The following CCDC181 variants were observed in gnomAD, a reference collection of about 807,000 sequenced individuals.
CCDC181 encodes the protein coiled-coil domain containing 181, also known as coiled-coil domain-containing protein 181.
Under a neutral mutation model 58.7 loss-of-function variants are expected in CCDC181, and 35 were observed. The observed-to-expected ratio is 0.60, with a 90% confidence interval of 0.46 to 0.79. CCDC181 has a LOEUF of 0.79. Among genes scored for constraint, CCDC181 ranks in the 30% least tolerant of loss-of-function variants. The pLI, the probability that CCDC181 is intolerant of heterozygous loss-of-function variation, is 0.00. For synonymous variants in CCDC181, 183 were observed against 197.5 expected (o/e 0.93, Z 0.62); for missense variants, 517 against 583.9 (o/e 0.89, Z 1.18).
chr1:169,418,179 C>T (rs72704012), intron 4 of CCDC181, among the ~76,000 whole-genome samples: 8,031 of 152,250 alleles, frequency 0.053, 262 homozygotes, highest in Middle Eastern at 0.11. Flanking sequence ...CTACAGATTA[C>T]TGATGTTCCC....
chr1:169,410,304 C>A (rs1655894995), intron 4 of CCDC181, among the ~76,000 whole-genome samples: 2 of 151,626 alleles, frequency 1.3e-5, no homozygotes, highest in African/African-American at 4.8e-5. Context: ...AAGGGCATTA[C>A]ATAATCGTAA....
chr1:169,443,825 C>T (rs755383899), intron 2 of CCDC181, among the ~76,000 whole-genome samples: 1 of 152,152 alleles, frequency 6.6e-6, no homozygotes, highest in Non-Finnish European at 1.5e-5. Context: ...AACTGACTCA[C>T]ATACACAAGG....
chr1:169,412,593 CTGG>C (rs1656029548), intron 4 of CCDC181, among the ~76,000 whole-genome samples: 1 of 152,142 alleles, frequency 6.6e-6, no homozygotes, highest in Non-Finnish European at 1.5e-5. Flanking sequence ...AAGAACAAAG[CTGG>C]AGGCATCATG....
chr1:169,415,182 T>A (rs930941397), intron 4 of CCDC181, among the ~76,000 whole-genome samples: 2 of 152,204 alleles, frequency 1.3e-5, no homozygotes, highest in Non-Finnish European at 2.9e-5. Flanking sequence ...ATACCCCATT[T>A]AAAAAATTAT....
In CCDC181 at chr1:169,421,867, T is replaced by G. The variant is rs747530546; in HGVS notation, c.564A>C (p.Gln188His). Residue 188 changes from glutamine to histidine, a missense_variant, in exon 3 of 6, where the codon CAA becomes CAC. Physicochemically the swap from Gln to His is conservative, Grantham distance 24 (BLOSUM62 0). Transcript: ENST00000367806. ...GTCCAAAATCATTGGAAATACATAA[T>G]TGTGACAGTTTCCCAAACATATTCC... ...NERNMFGKLS[Q>H]LCISNDFGQE... 6.2e-7 allele frequency: 1 copy of G among 1,613,880 alleles called. No individual in the cohort carries two copies. Among genetic ancestry groups the G allele is most frequent in the South Asian group, 1.1e-5 (1 of 91,068 alleles).
rs778310813 is a variant in CCDC181 at position 169,422,097 on chromosome 1, G to T, written c.334C>A (p.Gln112Lys). ...TCCTCTTCCTCCTCCAAGTCTTTCT[G>T]GCTTTCTAGTTTGGATTCCTGGAAA... is the stretch of plus-strand genomic sequence containing the variant. ...NSFQESKLESQKDLEEEEDEE... is the reference protein window; with the variant it reads ...NSFQESKLESKKDLEEEEDEE... The change falls in exon 3 of 6, where the codon CAG (glutamine) becomes AAG (lysine). Residue 112 changes from glutamine (Q) to lysine (K), a missense_variant. Gln to Lys is a moderately conservative substitution (Grantham distance 53, BLOSUM62 1). Transcript: ENST00000367806. 1 of 1,613,036 alleles carries T rather than the reference G, an allele frequency of 6.2e-7. No individual in the cohort carries two copies. Among genetic ancestry groups the T allele is most frequent in the Non-Finnish European group, 8.5e-7 (1 of 1,179,544 alleles).
At chr1:169,444,646 A>T (rs1399017677) in intron 2 of CCDC181, among the ~76,000 whole-genome samples, 1 of 152,196 alleles carries the variant, frequency 6.6e-6, no homozygotes, top group Non-Finnish European at 1.5e-5. Flanking sequence ...GAATTCTTCC[A>T]AATATTTTAT....
At chr1:169,428,604 T>G (rs1656810656), upstream of CCDC181, among the ~76,000 whole-genome samples, 1 of 152,120 alleles carries the variant, frequency 6.6e-6, no homozygotes, top group Non-Finnish European at 1.5e-5. Context: ...ACCCATCACC[T>G]GAGCAGTGTA....
chr1:169,404,707 G>C (rs536533813), intron 4 of CCDC181, among the ~76,000 whole-genome samples: 19 of 152,232 alleles, frequency 1.2e-4, no homozygotes, highest in South Asian at 1.0e-3. Flanking sequence ...CAATATCATA[G>C]TGAATGGGCA....
At chr1:169,459,905 G>GAAAAAAAAAAAAAAAA (rs754232999) in intron 1 of CCDC181, 2 of 75,180 alleles carry the variant, frequency 2.7e-5, no homozygotes, top group Admixed American at 1.6e-4. Flanking sequence ...TTGAAATTAG[G>GAAAAAAAAAAAAAAAA]AAAAAAAAAA....
chr1:169,396,391 A>C (rs2102033223), intron 5 of CCDC181: 1 of 151,812 alleles, frequency 6.6e-6, no homozygotes, highest in Middle Eastern at 3.4e-3. Context: ...CCATCTCTAC[A>C]AAAAAAATAT....
intron 2 of CCDC181, among the ~76,000 whole-genome samples, chr1:169,438,270 C>T (rs540335819): frequency 2.0e-5 from 3 of 152,044 alleles, no homozygotes; most frequent in African/African-American, 7.2e-5. Flanking sequence ...CTTACAAACA[C>T]ACCCACAAAC....
intron 4 of CCDC181, among the ~76,000 whole-genome samples, chr1:169,407,526 T>G (rs1392122032): frequency 2.0e-5 from 3 of 152,188 alleles, no homozygotes; most frequent in Non-Finnish European, 4.4e-5. Context: ...TTTTAAATAC[T>G]TGATTATAAG....
chr1:169,397,169 T>C (rs2102035132), intron 5 of CCDC181, 68 bp downstream of exon 5: 5 of 1,375,394 alleles, frequency 3.6e-6, no homozygotes, highest in South Asian at 3.6e-5. Context: ...CCAATCTTAA[T>C]TGATGATATA....
chr1:169,424,124 G>A (rs1310257997), intron 2 of CCDC181, among the ~76,000 whole-genome samples: 1 of 151,478 alleles, frequency 6.6e-6, no homozygotes, highest in Non-Finnish European at 1.5e-5. Context: ...ACATACATAT[G>A]CATATATACA....
intron 4 of CCDC181, among the ~76,000 whole-genome samples, chr1:169,400,053 G>C (rs943765015): frequency 8.5e-5 from 13 of 152,214 alleles, no homozygotes; most frequent in African/African-American, 2.2e-4. Context: ...CACATGTGTA[G>C]AGTGAGGCTC....
In CCDC181 at chr1:169,421,969, G is replaced by A; in HGVS notation, c.462C>T (p.Phe154=). Reference sequence around the variant, plus strand: ...CTTCCAAATCAACTAACTGGTCCTTGAACTTAAGTTTTCGCTCCCTTTTAT... The same window carrying A: ...CTTCCAAATCAACTAACTGGTCCTTAAACTTAAGTTTTCGCTCCCTTTTAT... ...VNDKRERKLK[F]KDQLVDLEVP... is the part of the protein sequence containing the mutation. Residue 154 remains phenylalanine (F), a synonymous_variant, in exon 3 of 6, where the codon TTC becomes TTT. Coordinates refer to ENST00000367806, the MANE Select transcript of CCDC181 (RefSeq NM_001300969.2). The A allele has an allele frequency of 3.7e-6, 6 of 1,614,032 alleles. No homozygotes were observed. Among genetic ancestry groups the A allele is most frequent in the Non-Finnish European group, 5.1e-6 (6 of 1,179,996 alleles).
chr1:169,438,029 T>C (rs1466196943), intron 2 of CCDC181, among the ~76,000 whole-genome samples: 1 of 152,162 alleles, frequency 6.6e-6, no homozygotes, highest in Non-Finnish European at 1.5e-5. Context: ...TTCACGGACC[T>C]GCAGCAAAGT....
chr1:169,449,817 G>T (rs1034429500), intron 2 of CCDC181, among the ~76,000 whole-genome samples: 4 of 152,264 alleles, frequency 2.6e-5, no homozygotes, highest in Middle Eastern at 3.4e-3. Flanking sequence ...TTGAGTGTGG[G>T]TCTGCCTCTC....
Sources: gnomAD v4.1 joint callset for allele counts (sites outside exome capture counted in the v4.1 genomes callset) on GRCh38, gnomAD v4.1.1 for gene constraint, MANE v1.5 for transcripts, NCBI Gene and HGNC (gene_info 2026-07-23, HGNC 2026-07-21) for gene names.